Variants in ABCA4 observed in about 807,000 individuals in gnomAD.
ABCA4 encodes retinal-specific phospholipid-transporting ATPase ABCA4.
A neutral mutation model predicts 263.7 loss-of-function variants in ABCA4; 196 were observed. The ratio of observed to expected loss-of-function variants is 0.74; its 90% confidence interval spans 0.66 to 0.84. The LOEUF is 0.84. Among genes scored for constraint, ABCA4 ranks in the 40% least tolerant of loss-of-function variants. The pLI is 0.00. For synonymous variants in ABCA4, 1,133 were observed against 1,094.2 expected, an observed-to-expected ratio of 1.04 and a Z score of -0.70; for missense variants, 2,792 against 2,855.1, an observed-to-expected ratio of 0.98 and a Z score of 0.50.
intron 6 of ABCA4, among the ~76,000 whole-genome samples, chr1:94,095,345 C>A (rs1662095528): frequency 6.6e-6 from 1 of 151,856 alleles, no homozygotes; most frequent in African/African-American, 2.4e-5. Flanking sequence ...GCACTCACAC[C>A]CCCAGCTCCT....
chr1:94,013,222 C>T (rs968917599), intron 38 of ABCA4, among the ~76,000 whole-genome samples: 1 of 33,314 alleles, frequency 3.0e-5, no homozygotes, highest in Non-Finnish European at 1.4e-4. Flanking sequence ...TGTTCTTATC[C>T]CCCCGCCTTT....
At chr1:94,015,542 T>C (rs1182508688) in intron 37 of ABCA4, among the ~76,000 whole-genome samples, 197 bp downstream of exon 37, 1 of 152,184 alleles carries the variant, frequency 6.6e-6, no homozygotes, top group Non-Finnish European at 1.5e-5. Flanking sequence ...GCCTCAGAGA[T>C]ACCTCTGTCA....
At chr1:94,112,465 C>G (rs896683118) in intron 2 of ABCA4, among the ~76,000 whole-genome samples, 4 of 152,192 alleles carry the variant, frequency 2.6e-5, no homozygotes, top group African/African-American at 9.7e-5. Context: ...CCCTTAGTAA[C>G]TACACACAAG....
At chr1:93,999,609 C>T (rs879915788) in intron 47 of ABCA4, among the ~76,000 whole-genome samples, 4 of 152,128 alleles carry the variant, frequency 2.6e-5, no homozygotes, top group Non-Finnish European at 5.9e-5. Context: ...GCACGGCTAG[C>T]GGGTGTCAGT....
intron 40 of ABCA4, among the ~76,000 whole-genome samples, chr1:94,009,539 C>T (rs1473935446): frequency 6.6e-6 from 1 of 152,192 alleles, no homozygotes; most frequent in African/African-American, 2.4e-5. Flanking sequence ...CCCCCTGGTT[C>T]CCAGTCCTAT....
At chr1:94,079,557 T>C (rs1661633652) in intron 8 of ABCA4, 96 bp from the exon 9 acceptor site, 9 of 1,566,366 alleles carry the variant, frequency 5.7e-6, no homozygotes, top group Admixed American at 1.7e-5. Flanking sequence ...CTCATTCAAC[T>C]CCATGCTGGA....
At chr1:94,019,169 T>C (rs543582737) in intron 36 of ABCA4, among the ~76,000 whole-genome samples, 1 of 151,882 alleles carries the variant, frequency 6.6e-6, no homozygotes, top group South Asian at 2.1e-4. Flanking sequence ...ACAGGGAAAG[T>C]TTTACCTTTA....
intron 4 of ABCA4, among the ~76,000 whole-genome samples, chr1:94,105,132 T>C (rs1662397514): frequency 6.6e-6 from 1 of 152,184 alleles, no homozygotes; most frequent in African/African-American, 2.4e-5. Flanking sequence ...ATGCAAGCCC[T>C]TGAAGTCACC....
At chr1:94,105,900 C>T (rs192210945) in intron 4 of ABCA4, among the ~76,000 whole-genome samples, 302 of 152,310 alleles carry the variant, frequency 2.0e-3, no homozygotes, top group Middle Eastern at 3.4e-3. Flanking sequence ...GCACCAGCCC[C>T]GCCACCCCCA....
intron 28 of ABCA4, 95 bp from the exon 29 acceptor site, chr1:94,030,621 A>G: frequency 8.0e-7 from 1 of 1,249,280 alleles, no homozygotes. Flanking sequence ...TGTGCCAGGT[A>G]TGTATTGGAG....
intron 17 of ABCA4, among the ~76,000 whole-genome samples, chr1:94,049,746 A>C (rs1660783047): frequency 6.6e-6 from 1 of 152,196 alleles, no homozygotes; most frequent in Non-Finnish European, 1.5e-5. Flanking sequence ...GTATCTTGGA[A>C]TTAACACCAG....
rs578179155 is a variant in ABCA4, at chr1:94,055,957, T to C, written c.2383-642A>G. 2.6e-5 allele frequency among the ~76,000 whole-genome samples: 4 copies of C among 152,200 alleles called. No individual in the cohort carries two copies. The South Asian group carries it at 6.2e-4, about 24-fold the overall frequency. On this transcript the variant is annotated intron_variant, in intron 15 of 49. Coordinates refer to ENST00000370225, the MANE Select transcript of ABCA4 (RefSeq NM_000350.3). ...TGCACCCTCCAGGGCCAGAGGCTGA[T>C]TAGAGGGTGGAAATGGCCCATTTGA... is the stretch of plus-strand genomic sequence containing the variant.
In ABCA4 at chr1:94,037,372, A is replaced by G. The variant is rs569508296; in HGVS notation, c.3608-22T>C. The G allele has an allele frequency of 2.5e-6, 4 of 1,608,660 alleles. No individual in the cohort carries two copies. The East Asian group carries it at 6.7e-5, about 27-fold the overall frequency. On this transcript the variant is annotated intron_variant, in intron 24 of 49. Coordinates refer to ENST00000370225, the MANE Select transcript of ABCA4 (RefSeq NM_000350.3). ...TCCCCTAGGACAAGAAAAAAGACTG[A>G]TGCCAGCTCTGTTTTCCAGAAACTG...
rs375555434 is a variant in ABCA4 at position 94,075,330 on chromosome 1, TAAAG to T, written c.1554+2356_1554+2359del. ...TTGTATCCCAGAACTTAAGGTAAAA[TAAAG>T]AAAGAAAATCTAAAAATTAAAAAAA... On this transcript the variant is annotated intron_variant, in intron 11 of 49. Transcript: ENST00000370225. Among the ~76,000 whole-genome samples the T allele has an allele frequency of 5.7e-4, 86 of 151,776 alleles. No individual in the cohort carries two copies. In the East Asian group the frequency reaches 0.013, roughly 23 times the overall value.
chr1:94,026,218 C>A (rs1468433026), intron 30 of ABCA4, among the ~76,000 whole-genome samples: 7 of 137,518 alleles, frequency 5.1e-5, no homozygotes, highest in African/African-American at 1.0e-4. Context: ...TCTATCTCCT[C>A]CCCCTGTTTT....
At chr1:94,008,622 T>C (rs1659461827) in intron 41 of ABCA4, 129 bp downstream of exon 41, 2 of 1,258,626 alleles carry the variant, frequency 1.6e-6, no homozygotes, top group Non-Finnish European at 1.2e-6. Flanking sequence ...ACAGGGATGA[T>C]GACCCTACAT....
At chr1:94,038,461 T>C (rs1394788204) in intron 24 of ABCA4, among the ~76,000 whole-genome samples, 1 of 152,178 alleles carries the variant, frequency 6.6e-6, no homozygotes, top group Non-Finnish European at 1.5e-5. Flanking sequence ...TTTCTTTTTT[T>C]GTTGTTTAAA....
chr1:94,059,098 C>T (rs943071043), intron 14 of ABCA4, among the ~76,000 whole-genome samples: 4 of 152,238 alleles, frequency 2.6e-5, no homozygotes, highest in Non-Finnish European at 5.9e-5. Flanking sequence ...ATGGCCCATT[C>T]TTAGGAGGGC....
intron 1 of ABCA4, among the ~76,000 whole-genome samples, chr1:94,117,051 C>T (rs1662809738): frequency 8.2e-6 from 1 of 121,356 alleles, no homozygotes; most frequent in African/African-American, 3.1e-5. Flanking sequence ...TTCTTCTTTC[C>T]TTTCTTTCCT....
Sources: allele counts gnomAD v4.1 joint callset (sites outside exome capture counted in the v4.1 genomes callset), GRCh38; gene constraint gnomAD v4.1.1; transcripts MANE v1.5; gene names NCBI Gene and HGNC (gene_info 2026-07-23, HGNC 2026-07-21).